The following MTA3 variants were observed in gnomAD, a reference collection of about 807,000 sequenced individuals.
MTA3 encodes the protein metastasis-associated protein MTA3.
In MTA3, 34 loss-of-function variants were observed where a neutral mutation model predicts 83.5. That is an observed-to-expected ratio of 0.41 (90% confidence interval 0.31 to 0.54). The LOEUF (loss-of-function observed/expected upper bound fraction) is 0.54. Ranked by LOEUF, MTA3 falls within the 20% of genes least tolerant of loss-of-function variation. The probability of loss-of-function intolerance (pLI) is 0.33; values close to 1 mark genes in which losing one functional copy is unlikely to be tolerated. For synonymous variants in MTA3, 303 were observed against 252.7 expected (o/e 1.20, Z -1.89); for missense variants, 761 against 726.4 (o/e 1.05, Z -0.55).
chr2:42,628,708 G>A (rs1381254761), intron 4 of MTA3, among the ~76,000 whole-genome samples: 1 of 151,484 alleles, frequency 6.6e-6, no homozygotes, highest in East Asian at 1.9e-4. Flanking sequence ...TACAATTCTG[G>A]GATTTATCTC....
chr2:42,539,201 T>C (rs562876349), intron 2 of MTA3, among the ~76,000 whole-genome samples: 1 of 152,332 alleles, frequency 6.6e-6, no homozygotes, highest in Admixed American at 6.5e-5. Flanking sequence ...TATTGTGTAT[T>C]AGTCCATTCT....
chr2:42,585,522 C>T (rs529517390), intron 3 of MTA3, among the ~76,000 whole-genome samples: 14 of 145,984 alleles, frequency 9.6e-5, no homozygotes, highest in Admixed American at 6.9e-4. Flanking sequence ...TCGCCCAGGC[C>T]GGAGTGCAGT....
intron 2 of MTA3, among the ~76,000 whole-genome samples, chr2:42,557,045 A>C (rs560868033): frequency 6.6e-6 from 1 of 152,136 alleles, no homozygotes; most frequent in Non-Finnish European, 1.5e-5. Flanking sequence ...CTTCAAGAAC[A>C]CAGTCCAAAA....
chr2:42,599,567 G>A (rs1270213875), intron 3 of MTA3, among the ~76,000 whole-genome samples: 1 of 152,036 alleles, frequency 6.6e-6, no homozygotes, highest in Non-Finnish European at 1.5e-5. Context: ...TCCAGCCCGG[G>A]CGACAGTGTG....
chr2:42,586,915 C>A (rs1318186857), intron 3 of MTA3, among the ~76,000 whole-genome samples: 1 of 152,172 alleles, frequency 6.6e-6, no homozygotes, highest in Non-Finnish European at 1.5e-5. Flanking sequence ...CCCAGCTACT[C>A]AGGAGGCTGA....
intron 11 of MTA3, among the ~76,000 whole-genome samples, chr2:42,700,935 A>G (rs954560102): frequency 2.6e-5 from 4 of 152,118 alleles, no homozygotes; most frequent in East Asian, 1.9e-4. Context: ...CGCCTCTACA[A>G]AAAAATTTAA....
At chr2:42,565,977 C>G (rs115721538), upstream of MTA3, among the ~76,000 whole-genome samples, 1,751 of 152,120 alleles carry the variant, frequency 0.012, 29 homozygotes, top group African/African-American at 0.04. Context: ...CCATTGCACT[C>G]CAGCCTGGGC....
At chr2:42,638,444 A>G (rs1288269634) in intron 4 of MTA3, among the ~76,000 whole-genome samples, 1 of 151,238 alleles carries the variant, frequency 6.6e-6, no homozygotes, top group African/African-American at 2.4e-5. Context: ...GCTGGAGTTC[A>G]GTGGTGCAAA....
chr2:42,635,076 A>G (rs181152307), intron 4 of MTA3, among the ~76,000 whole-genome samples: 5 of 152,330 alleles, frequency 3.3e-5, no homozygotes, highest in Admixed American at 3.3e-4. Context: ...ACACTTGGCC[A>G]ATGATTTGTT....
chr2:42,580,158 G>T (rs1266075751), intron 3 of MTA3, among the ~76,000 whole-genome samples: 1 of 151,974 alleles, frequency 6.6e-6, no homozygotes, highest in African/African-American at 2.4e-5. Context: ...TGTTTCTCAG[G>T]CTGGTCTGGA....
intron 2 of MTA3, among the ~76,000 whole-genome samples, chr2:42,577,105 A>AAAAAATAT (rs1211189566): frequency 3.6e-4 from 31 of 86,912 alleles, no homozygotes; most frequent in African/African-American, 1.4e-3. Flanking sequence ...AAAAAAAAAA[A>AAAAAATAT]ATATATATAT....
chr2:42,536,651 A>T (rs968131510), intron 2 of MTA3, among the ~76,000 whole-genome samples: 7 of 151,964 alleles, frequency 4.6e-5, no homozygotes, highest in Non-Finnish European at 7.4e-5. Context: ...CGAGGTCAGG[A>T]GATGCAGGCC....
chr2:42,506,303 T>C (rs1400407465), intron 2 of MTA3, among the ~76,000 whole-genome samples: 1 of 151,644 alleles, frequency 6.6e-6, no homozygotes, highest in African/African-American at 2.4e-5. Context: ...TTTTAGAAAT[T>C]ATCTGCATGT....
intron 8 of MTA3, among the ~76,000 whole-genome samples, chr2:42,673,211 A>C (rs1334183364): frequency 6.6e-6 from 1 of 151,856 alleles, no homozygotes; most frequent in Non-Finnish European, 1.5e-5. Context: ...AGTTTATTAT[A>C]ATCTTCCTCT....
At chr2:42,575,014 G>T (rs1430876886) in intron 2 of MTA3, among the ~76,000 whole-genome samples, 4 of 152,222 alleles carry the variant, frequency 2.6e-5, no homozygotes, top group Non-Finnish European at 5.9e-5. Flanking sequence ...TACCATATCA[G>T]TTTAATTAGA....
chr2:42,724,302 A>ACACACACACACACACG (rs1236324062), intron 16 of MTA3, among the ~76,000 whole-genome samples: 2 of 148,882 alleles, frequency 1.3e-5, no homozygotes, highest in African/African-American at 5.0e-5. Context: ...ACACACACAC[A>ACACACACACACACACG]CACACACACA....
At chr2:42,575,711 A>G (rs551604813) in intron 2 of MTA3, among the ~76,000 whole-genome samples, 1 of 152,352 alleles carries the variant, frequency 6.6e-6, no homozygotes, top group South Asian at 2.1e-4. Context: ...TTTGAGCCTC[A>G]CAGAACCTTA....
chr2:42,669,493 T>G (rs1445901567), intron 8 of MTA3, among the ~76,000 whole-genome samples: 1 of 152,166 alleles, frequency 6.6e-6, no homozygotes, highest in Non-Finnish European at 1.5e-5. Flanking sequence ...TAAAAACCCA[T>G]GAAAAACTTA....
chr2:42,525,993 G>A (rs1675694352), intron 2 of MTA3, among the ~76,000 whole-genome samples: 2 of 152,038 alleles, frequency 1.3e-5, no homozygotes, highest in Non-Finnish European at 2.9e-5. Flanking sequence ...CTTTGCCAGA[G>A]AGAAAGAACC....
Sources: allele counts gnomAD v4.1 joint callset (sites outside exome capture counted in the v4.1 genomes callset), GRCh38; gene constraint gnomAD v4.1.1; transcripts MANE v1.5; gene names NCBI Gene and HGNC (gene_info 2026-07-23, HGNC 2026-07-21).